The following SHANK2 variants were observed in gnomAD, a reference collection of about 807,000 sequenced individuals.
SHANK2 encodes SH3 and multiple ankyrin repeat domains protein 2.
SHANK2 carries 43 observed loss-of-function variants against 133.7 expected under a neutral mutation model. That is an observed-to-expected ratio of 0.32 (90% CI 0.25 to 0.41). SHANK2 has a LOEUF of 0.41. SHANK2 is among the 10% of genes least tolerant of loss of function. SHANK2 has a pLI of 1.00. For missense variants in SHANK2, 1,994 were observed against 2,235.8 expected (o/e 0.89, Z 2.18); for synonymous variants, 1,017 against 952.8 (o/e 1.07, Z -1.24).
chr11:70,627,508 C>T (rs2060920491), intron 17 of SHANK2, among the ~76,000 whole-genome samples: 1 of 152,208 alleles, frequency 6.6e-6, no homozygotes. Context: ...CAGCCTAACC[C>T]CGCTGTCCTG....
At chr11:70,767,464 C>T (rs782306388) in intron 14 of SHANK2, among the ~76,000 whole-genome samples, 1 of 152,188 alleles carries the variant, frequency 6.6e-6, no homozygotes, top group Non-Finnish European at 1.5e-5. Flanking sequence ...CCAAGTGTCC[C>T]TCAACAGATG....
At chr11:70,568,489 CCTCGGAG>C (rs1316023644) in intron 17 of SHANK2, among the ~76,000 whole-genome samples, 1 of 152,216 alleles carries the variant, frequency 6.6e-6, no homozygotes, top group East Asian at 1.9e-4. Flanking sequence ...CGGCTGCAAT[CCTCGGAG>C]CTCCGTGAAG....
intron 14 of SHANK2, among the ~76,000 whole-genome samples, chr11:70,724,399 G>C (rs1427537262): frequency 1.3e-5 from 2 of 152,122 alleles, no homozygotes; most frequent in African/African-American, 4.8e-5. Context: ...GTTTTGTTGT[G>C]GTGGTGGGGT....
At chr11:70,728,641 AAATACGCACGCCCAGAAC>A (rs1347663836) in intron 14 of SHANK2, among the ~76,000 whole-genome samples, 1 of 152,220 alleles carries the variant, frequency 6.6e-6, no homozygotes, top group African/African-American at 2.4e-5. Context: ...AGGCACAAAC[AAATACGCACGCCCAGAAC>A]ACTGACCATG....
At chr11:70,551,073 C>A (rs1373166098) in intron 17 of SHANK2, among the ~76,000 whole-genome samples, 2 of 152,208 alleles carry the variant, frequency 1.3e-5, no homozygotes, top group Admixed American at 6.5e-5. Flanking sequence ...CCTCCCACCC[C>A]CTCCGAGACC....
Position 70,486,392 on chromosome 11 carries a change from C to T in SHANK2, c.3901G>A (p.Asp1301Asn), listed in dbSNP as rs371656531. The T allele has an allele frequency of 1.3e-5, 21 of 1,613,846 alleles. No homozygotes were observed. The highest frequency in any genetic ancestry group is 2.2e-5 in the East Asian group (1 of 44,886). ...TTCTGCTGGGACGTGTCCATGATGTCGATCAGCATGTTCTTCTTGTCATCG... is the reference window on the plus strand; with the variant it reads ...TTCTGCTGGGACGTGTCCATGATGTTGATCAGCATGTTCTTCTTGTCATCG... ...KGDDKKNMLI[D>N]IMDTSQQKSA... Residue 1301 changes from aspartate (D) to asparagine (N), a missense_variant, in exon 25 of 26, where the codon GAC becomes AAC. Asp to Asn is a conservative substitution (Grantham distance 23, BLOSUM62 1). Coordinates refer to ENST00000601538, the MANE Select transcript of SHANK2 (RefSeq NM_012309.5). The surrounding 1 kb of genome is among the most constrained non-coding windows in gnomAD (Gnocchi z 8.0).
chr11:70,701,484 C>T (rs1337392256), intron 14 of SHANK2, among the ~76,000 whole-genome samples: 3 of 152,154 alleles, frequency 2.0e-5, no homozygotes, highest in African/African-American at 7.2e-5. Flanking sequence ...TCACTGTAAG[C>T]TCTGCCTTCC....
intron 17 of SHANK2, among the ~76,000 whole-genome samples, chr11:70,648,463 G>T (rs2061298348): frequency 6.6e-6 from 1 of 152,098 alleles, no homozygotes; most frequent in Admixed American, 6.6e-5. Flanking sequence ...TTTTTCTTTG[G>T]CTTCTCTGCA....
chr11:70,862,746 G>A (rs73534050), intron 11 of SHANK2: 3,617 of 171,924 alleles, frequency 0.021, 140 homozygotes, highest in African/African-American at 0.086. Flanking sequence ...AAATCTATGT[G>A]CTTGGGGTGG....
chr11:71,082,665 C>T (rs930649766), intron 8 of SHANK2, among the ~76,000 whole-genome samples: 2 of 152,202 alleles, frequency 1.3e-5, no homozygotes, highest in South Asian at 4.1e-4. Flanking sequence ...CCTGTCCCCT[C>T]GCCGTGGGGC....
chr11:71,149,887 G>A (rs1952734343), intron 2 of SHANK2, among the ~76,000 whole-genome samples: 1 of 71,352 alleles, frequency 1.4e-5, no homozygotes, highest in Non-Finnish European at 2.6e-5. Context: ...GAGAAGGAAA[G>A]AAGGAAGGAA....
intron 17 of SHANK2, among the ~76,000 whole-genome samples, chr11:70,641,672 G>A (rs1408371809): frequency 2.0e-5 from 3 of 152,252 alleles, no homozygotes; most frequent in African/African-American, 7.2e-5. Flanking sequence ...GAGCTGGGAG[G>A]AGCCTGAAGC....
chr11:71,126,436 G>A (rs1250779202), intron 3 of SHANK2, among the ~76,000 whole-genome samples: 1 of 152,112 alleles, frequency 6.6e-6, no homozygotes, highest in African/African-American at 2.4e-5. Context: ...TGCTGATGGA[G>A]ATGTACAAGG....
intron 9 of SHANK2, among the ~76,000 whole-genome samples, chr11:71,068,301 C>T (rs1951094979): frequency 6.6e-6 from 1 of 152,188 alleles, no homozygotes; most frequent in African/African-American, 2.4e-5. Context: ...CCTAAATGCC[C>T]AGCAATGCTT....
intron 14 of SHANK2, among the ~76,000 whole-genome samples, chr11:70,757,586 C>T (rs1591818302): frequency 1.3e-5 from 2 of 152,224 alleles, no homozygotes; most frequent in Non-Finnish European, 2.9e-5. Context: ...TGACAGGATT[C>T]CCAAGGGAGA....
intron 14 of SHANK2, among the ~76,000 whole-genome samples, chr11:70,746,872 A>G (rs1946649089): frequency 6.6e-6 from 1 of 151,042 alleles, no homozygotes; most frequent in African/African-American, 2.4e-5. Flanking sequence ...GGCTCTCCAG[A>G]TCTCTCTGCC....
At chr11:70,678,495 C>T (rs1384765144) in intron 15 of SHANK2, among the ~76,000 whole-genome samples, 1 of 150,632 alleles carries the variant, frequency 6.6e-6, no homozygotes, top group Non-Finnish European at 1.5e-5. Context: ...CTCTCCCTGC[C>T]TCTCGACCTG....
intron 17 of SHANK2, among the ~76,000 whole-genome samples, chr11:70,512,437 A>G (rs1390434131): frequency 6.6e-6 from 1 of 152,208 alleles, no homozygotes; most frequent in Non-Finnish European, 1.5e-5. Context: ...TGACTATGTA[A>G]AATCTATTCA....
chr11:70,596,166 C>T (rs1429096642), intron 17 of SHANK2, among the ~76,000 whole-genome samples: 5 of 152,222 alleles, frequency 3.3e-5, no homozygotes, highest in Admixed American at 2.0e-4. Context: ...AGCTGTCCTG[C>T]GTGTGGTGAT....
Sources: gnomAD v4.1 joint callset for allele counts (sites outside exome capture counted in the v4.1 genomes callset) on GRCh38, gnomAD v4.1.1 for gene constraint, Gnocchi (gnomAD v3.1) non-coding constraint, MANE v1.5 for transcripts, NCBI Gene and HGNC (gene_info 2026-07-23, HGNC 2026-07-21) for gene names.